AMPD3: variants seen among roughly 807,000 people sequenced by gnomAD.
AMPD3 encodes AMP deaminase 3.
AMPD3 carries 57 observed loss-of-function variants against 82.3 expected under a neutral mutation model. The ratio of observed to expected loss-of-function variants is 0.69; its 90% CI spans 0.56 to 0.86. The LOEUF (loss-of-function observed/expected upper bound fraction) is 0.86, where lower values mean the gene tolerates loss of function less well. AMPD3 is among the 40% of genes least tolerant of loss of function. The pLI, the probability that AMPD3 is intolerant of heterozygous loss-of-function variation, is 0.00. For missense variants in AMPD3, 870 were observed against 1,003.8 expected (o/e 0.87, Z 1.80); for synonymous variants, 381 against 394.7 (o/e 0.97, Z 0.41).
At chr11:10,487,193 G>A (rs772762709) in intron 5 of AMPD3, 42 bp from the exon 6 acceptor site, 19 of 1,612,756 alleles carry the variant, frequency 1.2e-5, no homozygotes, top group Admixed American at 1.7e-5. Flanking sequence ...TGGAGAGCTC[G>A]ATGCGACTCA....
chr11:10,501,101 G>T, intron 11 of AMPD3: 3 of 985,404 alleles, frequency 3.0e-6, no homozygotes, highest in Non-Finnish European at 3.6e-6. Flanking sequence ...CCGGGCCTTG[G>T]TTTGCCCATT....
intron 7 of AMPD3, 148 bp downstream of exon 7, chr11:10,493,691 A>G (rs1849308028): frequency 2.2e-6 from 2 of 906,714 alleles, no homozygotes; most frequent in Non-Finnish European, 3.5e-6. Flanking sequence ...ATGCGGCCTC[A>G]GAGAATAACA....
At chr11:10,501,715 G>C in intron 12 of AMPD3, 125 bp downstream of exon 12, 1 of 1,510,314 alleles carries the variant, frequency 6.6e-7, no homozygotes, top group Non-Finnish European at 8.8e-7. Flanking sequence ...CCTTATCTTG[G>C]TTTTATTTTT....
chr11:10,472,914 G>T (rs1363142785), intron 2 of AMPD3, among the ~76,000 whole-genome samples: 1 of 152,186 alleles, frequency 6.6e-6, no homozygotes, highest in Non-Finnish European at 1.5e-5. Context: ...TGAGGCAGGA[G>T]AATTGCTTGA....
intron 2 of AMPD3, among the ~76,000 whole-genome samples, chr11:10,463,355 G>A (rs1186552677): frequency 2.0e-5 from 3 of 152,218 alleles, no homozygotes; most frequent in South Asian, 2.1e-4. Flanking sequence ...GGAGTCACTG[G>A]TGCCATTGGT....
chr11:10,502,220 T>G, intron 12 of AMPD3: 1 of 985,334 alleles, frequency 1.0e-6, no homozygotes, highest in Non-Finnish European at 1.2e-6. Context: ...CATTTTTGGG[T>G]GGGGTGGGTG....
rs753026219 is a variant in AMPD3 at position 10,495,706 on chromosome 11, G to A, written c.1403G>A (p.Arg468His). 7.4e-6 allele frequency: 12 copies of A among 1,614,126 alleles called. No individual in the cohort carries two copies. The highest frequency in any genetic ancestry group is 3.3e-5 in the Admixed American group (2 of 60,018). ...IQHKVYSPNM[R>H]WIIQVPRIYD... ...CACAAGGTCTACTCTCCCAACATGC[G>A]CTGGATCATCCAGGTGCCCCGGATT... The change falls in exon 9 of 15, where the codon CGC becomes CAC. Residue 468 changes from arginine to histidine, a missense_variant. Arg to His is a conservative substitution (Grantham distance 29, BLOSUM62 0). Transcript: ENST00000396553.
At chr11:10,475,893 C>T (rs992486228) in intron 2 of AMPD3, among the ~76,000 whole-genome samples, 1 of 152,174 alleles carries the variant, frequency 6.6e-6, no homozygotes, top group Admixed American at 6.5e-5. Flanking sequence ...ATTCTGCCAA[C>T]AACCGGAATG....
intron 11 of AMPD3, 101 bp from the exon 12 acceptor site, chr11:10,501,369 G>T: frequency 6.5e-7 from 1 of 1,544,896 alleles, no homozygotes. Flanking sequence ...CTGACCATGG[G>T]TGGTCATTCC....
chr11:10,458,310 TCCC>T (rs1415407928), intron 1 of AMPD3, among the ~76,000 whole-genome samples: 11 of 144,680 alleles, frequency 7.6e-5, no homozygotes, highest in Non-Finnish European at 1.2e-4. Context: ...CCTCCCTCCC[TCCC>T]TTCGGCAATT....
chr11:10,460,374 C>T (rs1427971274), intron 1 of AMPD3, among the ~76,000 whole-genome samples: 1 of 151,026 alleles, frequency 6.6e-6, no homozygotes, highest in Non-Finnish European at 1.5e-5. Context: ...GCTGGTATTA[C>T]AGGCGTGAGC....
At position 10,484,841 on chromosome 11, in the gene AMPD3, C is replaced by G. The variant is rs768905813; in HGVS notation, c.611C>G (p.Pro204Arg). ...GCAGACTTCCACCCTCCTCCACTGC[C>G]CCAGGAAGACCCCTACTGCCTGGAT... ...GLPDFHPPPL[P>R]QEDPYCLDDA... Residue 204 changes from proline to arginine, a missense_variant, in exon 5 of 15, where the codon CCC becomes CGC. Transcript: ENST00000396553. 3.1e-6 allele frequency: 5 copies of G among 1,614,050 alleles called. No individual in the cohort carries two copies. Among genetic ancestry groups the G allele is most frequent in the Non-Finnish European group, 4.2e-6 (5 of 1,180,012 alleles).
chr11:10,470,359 T>C (rs1848553582), intron 2 of AMPD3, among the ~76,000 whole-genome samples: 1 of 152,164 alleles, frequency 6.6e-6, no homozygotes, highest in African/African-American at 2.4e-5. Flanking sequence ...GGCAATATCA[T>C]ACTGAATGGG....
At chr11:10,473,262 C>T in intron 2 of AMPD3, 1 of 543,922 alleles carries the variant, frequency 1.8e-6, no homozygotes, top group Non-Finnish European at 2.3e-6. Context: ...AGAGCAAGAC[C>T]CTGTGTCAAA....
At chr11:10,502,957 A>G (rs1849620467) in intron 13 of AMPD3, 63 bp downstream of exon 13, 2 of 1,574,030 alleles carry the variant, frequency 1.3e-6, no homozygotes, top group Admixed American at 1.7e-5. Flanking sequence ...CTGTCCTCCC[A>G]TTTCAGGAAC....
At chr11:10,458,900 G>A (rs897386356) in intron 1 of AMPD3, among the ~76,000 whole-genome samples, 3 of 152,156 alleles carry the variant, frequency 2.0e-5, no homozygotes, top group Non-Finnish European at 2.9e-5. Context: ...GAGATGCGAT[G>A]TGAGGTTTTG....
intron 2 of AMPD3, among the ~76,000 whole-genome samples, chr11:10,475,244 C>A (rs1848705098): frequency 6.6e-6 from 1 of 152,026 alleles, no homozygotes; most frequent in African/African-American, 2.4e-5. Context: ...CTTTTAAATG[C>A]CCAGATCTCC....
chr11:10,456,739 G>C lies in AMPD3; in HGVS notation c.-6+1291G>C, dbSNP rs1848105673. ...AACATGCAGCTGGAGCTGAAGCTCT[G>C]CTTGGCATCTGCAGAGTGAGCTTTC... is the stretch of plus-strand genomic sequence containing the variant. On this transcript the variant is annotated intron_variant, in intron 1 of 14. Transcript: ENST00000396553. This position sits in a 1 kb window ranked among gnomAD's most constrained non-coding sequence, Gnocchi z 4.3. The C allele has an allele frequency of 2.2e-6, 1 of 454,344 alleles. No homozygotes were observed. Among genetic ancestry groups the C allele is most frequent in the African/African-American group, 2.1e-5 (1 of 46,878 alleles). 28.1% of individuals were successfully genotyped at this position (454,344 alleles called of 1,614,324 possible).
intron 2 of AMPD3, among the ~76,000 whole-genome samples, chr11:10,471,273 A>G (rs1848581577): frequency 6.7e-6 from 1 of 148,160 alleles, no homozygotes; most frequent in African/African-American, 2.4e-5. Flanking sequence ...CAAAAAACTG[A>G]AACTGGACTC....
Sources: gnomAD v4.1 joint callset for allele counts (sites outside exome capture counted in the v4.1 genomes callset) on GRCh38, gnomAD v4.1.1 for gene constraint, Gnocchi (gnomAD v3.1) non-coding constraint, MANE v1.5 for transcripts, NCBI Gene and HGNC (gene_info 2026-07-23, HGNC 2026-07-21) for gene names.